GSE1: variants seen among roughly 807,000 people sequenced by gnomAD.
GSE1 encodes genetic suppressor element 1.
A neutral mutation model predicts 112.6 loss-of-function variants in GSE1; 32 were observed. The ratio of observed to expected loss-of-function variants is 0.28; its 90% CI spans 0.21 to 0.38. GSE1 has a LOEUF of 0.38. Among genes scored for constraint, GSE1 ranks in the 10% least tolerant of loss-of-function variants. GSE1 has a pLI of 1.00. For synonymous variants in GSE1, 1,115 were observed against 735.6 expected, an observed-to-expected ratio of 1.52 and a Z score of -8.35; for missense variants, 2,348 against 1,699.2, an observed-to-expected ratio of 1.38 and a Z score of -6.71.
Position 85,401,390 on chromosome 16 carries a change from G to T in GSE1, c.2464+43747G>T, listed in dbSNP as rs553090488. Among the ~76,000 whole-genome samples the T allele has an allele frequency of 4.4e-4, 67 of 152,288 alleles. 2 individuals are homozygous for T. Among genetic ancestry groups the T allele is most frequent in the Non-Finnish European group, 9.6e-4 (65 of 68,016 alleles). ...GGTGGGTGGGGCACCAGGGGTGGGG[G>T]CAGAAAGAGAAAGATGCTGCTGCCC... On this transcript the variant is annotated intron_variant, in intron 2 of 2. Transcript: ENST00000637419.
At chr16:85,306,883 T>C (rs1389225854) in intron 1 of GSE1, among the ~76,000 whole-genome samples, 1 of 152,184 alleles carries the variant, frequency 6.6e-6, no homozygotes, top group Non-Finnish European at 1.5e-5. Context: ...AACCTGTTCA[T>C]AAAAGGCGGG....
intron 1 of GSE1, among the ~76,000 whole-genome samples, chr16:85,211,727 C>G (rs546881227): frequency 1.3e-5 from 2 of 152,300 alleles, no homozygotes; most frequent in Middle Eastern, 3.4e-3. Flanking sequence ...TGGAGCCTGA[C>G]AGGGTACTGG....
chr16:85,305,456 GTTT>G (rs1280816911), intron 1 of GSE1, among the ~76,000 whole-genome samples: 1 of 49,074 alleles, frequency 2.0e-5, no homozygotes, highest in Non-Finnish European at 3.4e-5. Flanking sequence ...GCCAGCATCA[GTTT>G]TTTGTTGTTT....
chr16:85,223,869 T>A (rs1163661503), intron 1 of GSE1, among the ~76,000 whole-genome samples: 1 of 152,044 alleles, frequency 6.6e-6, no homozygotes, highest in Non-Finnish European at 1.5e-5. Context: ...CCCCTCAAGG[T>A]GCTGGGATTA....
intron 2 of GSE1, among the ~76,000 whole-genome samples, chr16:85,461,634 T>G (rs1313463159): frequency 1.3e-5 from 2 of 152,176 alleles, no homozygotes; most frequent in Non-Finnish European, 2.9e-5. Flanking sequence ...GCCTGGGTAG[T>G]GGCTCAAATG....
chr16:85,283,488 A>G (rs1381440800), intron 1 of GSE1: 2 of 152,652 alleles, frequency 1.3e-5, no homozygotes, highest in Non-Finnish European at 2.9e-5. Flanking sequence ...GCCCTGAGGC[A>G]TGGCCTAACT....
intron 1 of GSE1, among the ~76,000 whole-genome samples, chr16:85,349,120 C>A (rs994873684): frequency 6.6e-6 from 1 of 152,198 alleles, no homozygotes; most frequent in South Asian, 2.1e-4. Context: ...TATTCCATAT[C>A]TAATAACTTT....
intron 3 of GSE1, among the ~76,000 whole-genome samples, chr16:85,651,130 G>C (rs998343827): frequency 7.3e-6 from 1 of 137,274 alleles, no homozygotes; most frequent in Non-Finnish European, 1.6e-5. Context: ...GGCTGCAGCC[G>C]CTGCTCAGAA....
chr16:85,244,838 A>C (rs969565791), intron 1 of GSE1, among the ~76,000 whole-genome samples: 1 of 152,010 alleles, frequency 6.6e-6, no homozygotes, highest in Non-Finnish European at 1.5e-5. Context: ...TAAAAATACA[A>C]AAATTAGCCG....
upstream of GSE1, among the ~76,000 whole-genome samples, chr16:85,553,384 G>GAGGGCCTGGCGCGACCTCC (rs2045030691): frequency 6.6e-6 from 1 of 151,532 alleles, no homozygotes; most frequent in South Asian, 2.1e-4. Context: ...CGCCGGCGCC[G>GAGGGCCTGGCGCGACCTCC]AGGGCCTGGC....
chr16:85,374,562 G>A (rs894481962), intron 2 of GSE1, among the ~76,000 whole-genome samples: 2 of 151,840 alleles, frequency 1.3e-5, no homozygotes. Flanking sequence ...GCGTGCACAG[G>A]TAGCTCCTAG....
intron 1 of GSE1, chr16:85,171,879 T>C (rs1290186069): frequency 2.4e-6 from 2 of 846,572 alleles, no homozygotes; most frequent in African/African-American, 3.7e-5. Flanking sequence ...AGATGTTTTC[T>C]GTTCCTCAGA....
intron 1 of GSE1, among the ~76,000 whole-genome samples, chr16:85,349,959 G>A (rs1255195502): frequency 2.0e-5 from 3 of 152,192 alleles, no homozygotes; most frequent in Non-Finnish European, 4.4e-5. Flanking sequence ...ACTGTGCCCT[G>A]GACACTGTGC....
intron 1 of GSE1, among the ~76,000 whole-genome samples, chr16:85,581,030 C>T (rs1265029496): frequency 6.6e-6 from 1 of 152,238 alleles, no homozygotes; most frequent in African/African-American, 2.4e-5. Flanking sequence ...GCATTGAGCT[C>T]TTGCCCTGCT....
At chr16:85,370,993 G>A (rs1247399454) in intron 2 of GSE1, among the ~76,000 whole-genome samples, 1 of 152,226 alleles carries the variant, frequency 6.6e-6, no homozygotes, top group African/African-American at 2.4e-5. Context: ...CCTGCGCCCG[G>A]CGGTGGCTGG....
chr16:85,420,174 G>A (rs1485863458), intron 2 of GSE1, among the ~76,000 whole-genome samples: 2 of 152,130 alleles, frequency 1.3e-5, no homozygotes, highest in Non-Finnish European at 1.5e-5. Context: ...ACTGCTTGAA[G>A]CCAGGAGTTC....
At chr16:85,391,420 C>G (rs184852377) in intron 2 of GSE1, among the ~76,000 whole-genome samples, 18 of 152,318 alleles carry the variant, frequency 1.2e-4, no homozygotes, top group African/African-American at 4.1e-4. Flanking sequence ...TCCCACAGTT[C>G]TGGAGGCCAG....
intron 1 of GSE1, among the ~76,000 whole-genome samples, chr16:85,572,551 AC>A (rs2151338587): frequency 1.3e-5 from 2 of 152,114 alleles, no homozygotes; most frequent in South Asian, 4.2e-4. Context: ...CACACAACAC[AC>A]AACACGACAT....
chr16:85,627,002 C>A (rs1036021550), intron 1 of GSE1, among the ~76,000 whole-genome samples: 1 of 138,756 alleles, frequency 7.2e-6, no homozygotes, highest in African/African-American at 2.7e-5. Flanking sequence ...GCCAGCCAGC[C>A]TTGTCCCTCT....
Sources: gnomAD v4.1 joint callset for allele counts (sites outside exome capture counted in the v4.1 genomes callset) on GRCh38, gnomAD v4.1.1 for gene constraint, MANE v1.5 for transcripts, NCBI Gene and HGNC (gene_info 2026-07-23, HGNC 2026-07-21) for gene names.